SHANK2: variants seen among roughly 807,000 people sequenced by gnomAD.
SHANK2 encodes SH3 and multiple ankyrin repeat domains protein 2.
A neutral mutation model predicts 133.7 loss-of-function variants in SHANK2; 43 were observed. The ratio of observed to expected loss-of-function variants is 0.32; its 90% confidence interval spans 0.25 to 0.41. The LOEUF (loss-of-function observed/expected upper bound fraction) is 0.41, where lower values mean the gene tolerates loss of function less well. SHANK2 is among the 10% of genes least tolerant of loss of function. SHANK2 has a pLI of 1.00. For synonymous variants in SHANK2, 1,017 were observed against 952.8 expected (o/e 1.07, Z -1.24); for missense variants, 1,994 against 2,235.8 (o/e 0.89, Z 2.18).
intron 14 of SHANK2, among the ~76,000 whole-genome samples, chr11:70,721,104 C>T (rs542144803): frequency 5.3e-5 from 8 of 152,352 alleles, no homozygotes; most frequent in African/African-American, 1.4e-4. Flanking sequence ...TCTCTGTGCC[C>T]CTCCCTTTCC....
rs531768537 is a variant in SHANK2, at chr11:71,218,660, C to T, written c.-13+6037G>A. ...GCTACCTTCTCACCACCCAGCTGTC[C>T]ACATCAGCACAGAACACCTACACAC... On this transcript the variant is annotated intron_variant, in intron 2 of 25. Transcript: ENST00000601538. Among the ~76,000 whole-genome samples the T allele has an allele frequency of 8.5e-5, 13 of 152,154 alleles. No individual in the cohort carries two copies. In the South Asian group the frequency reaches 2.3e-3, roughly 27 times the overall value.
At position 70,857,577 on chromosome 11, in the gene SHANK2, C is replaced by A. The variant is rs553175608; in HGVS notation, c.1175-36895G>T. Among the ~76,000 whole-genome samples, 389 of 152,204 alleles carry A rather than the reference C, an allele frequency of 2.6e-3. 1 individual carries two copies. Among genetic ancestry groups the A allele is most frequent in the African/African-American group, 9.2e-3 (382 of 41,538 alleles). ...TTCTCAGGACTTGGGAGGGCCAAGC[C>A]CTTGGGCAGTGCCCAAGAGAGCACA... is the stretch of plus-strand genomic sequence containing the variant. On this transcript the variant is annotated intron_variant, in intron 11 of 25. Transcript: ENST00000601538.
chr11:70,562,368 AAGG>A (rs1306683678), intron 17 of SHANK2, among the ~76,000 whole-genome samples: 1 of 152,226 alleles, frequency 6.6e-6, no homozygotes, highest in East Asian at 1.9e-4. Context: ...TCAGTTACAG[AAGG>A]AGAAGTGATT....
At chr11:70,643,958 C>G (rs1296751480) in intron 17 of SHANK2, among the ~76,000 whole-genome samples, 12 of 142,044 alleles carry the variant, frequency 8.4e-5, no homozygotes, top group African/African-American at 2.1e-4. Flanking sequence ...GATCTGGGGT[C>G]GGGGGCTGAG....
chr11:70,862,497 A>G (rs1182657400), intron 11 of SHANK2, among the ~76,000 whole-genome samples: 1 of 151,902 alleles, frequency 6.6e-6, no homozygotes, highest in East Asian at 1.9e-4. Context: ...GCTGATGGAC[A>G]GGACTAGACT....
intron 17 of SHANK2, among the ~76,000 whole-genome samples, chr11:70,536,070 A>G (rs1242167859): frequency 6.6e-6 from 1 of 152,082 alleles, no homozygotes; most frequent in Admixed American, 6.5e-5. Context: ...CTGCACCCCC[A>G]GGCCCCAGCC....
intron 11 of SHANK2, among the ~76,000 whole-genome samples, chr11:70,831,845 T>A (rs1353313729): frequency 6.6e-6 from 1 of 152,224 alleles, no homozygotes; most frequent in Non-Finnish European, 1.5e-5. Flanking sequence ...CCATGTGGTT[T>A]GGAAAGAGCC....
At position 70,471,099 on chromosome 11, in the gene SHANK2, AGT is replaced by A; in HGVS notation, c.*1768_*1769del. 1 of 396,432 alleles carries A rather than the reference AGT, an allele frequency of 2.5e-6. No individual in the cohort carries two copies. Among genetic ancestry groups the A allele is most frequent in the East Asian group, 3.6e-5 (1 of 27,990 alleles). The allele number at this position is 396,432 out of a possible 1,614,324, so 24.6% of individuals were successfully genotyped here. A position where few individuals can be genotyped will look rare whatever the true frequency, so the allele number is the denominator to read the frequency against. ...TTTTTCTTTAACTTTCTAGCACTGA[AGT>A]GGCACAAAGGCTGCCTAGTAGACCA... On this transcript the variant is annotated 3_prime_UTR_variant, in exon 26 of 26. Transcript: ENST00000601538. The surrounding 1 kb of genome is among the most constrained non-coding windows in gnomAD (Gnocchi z 4.1).
At chr11:70,601,616 T>C (rs1439720083) in intron 17 of SHANK2, among the ~76,000 whole-genome samples, 1 of 152,230 alleles carries the variant, frequency 6.6e-6, no homozygotes, top group East Asian at 1.9e-4. Context: ...CCTCCCAAAG[T>C]GCTGAGATTA....
intron 2 of SHANK2, among the ~76,000 whole-genome samples, chr11:71,169,016 T>C (rs888261218): frequency 1.3e-5 from 2 of 152,150 alleles, no homozygotes; most frequent in African/African-American, 4.8e-5. Context: ...CAAAAGTAAT[T>C]GTGGGTTTTG....
intron 11 of SHANK2, chr11:70,873,135 G>T (rs1361405623): frequency 2.1e-6 from 1 of 470,942 alleles, no homozygotes; most frequent in Non-Finnish European, 4.4e-6. Context: ...TATGTTTGTG[G>T]TTCCCTAAAA....
In SHANK2 at chr11:70,492,335, G is replaced by T; in HGVS notation, c.2439C>A (p.Asn813Lys). The change falls in exon 22 of 26, where the codon AAC (asparagine) becomes AAA (lysine). Residue 813 changes from asparagine (N) to lysine (K), a missense_variant and splice_region_variant. Physicochemically the swap from Asn to Lys is moderately conservative, Grantham distance 94 (BLOSUM62 0). Transcript: ENST00000601538. ...SRCFPAGSDM[N>K]SVYERQGIAV... The stretch of plus-strand genomic sequence containing the variant: ...GTGGTCCCAAGGTACGGCCACTCAC[G>T]TTCATGTCTGAGCCCGCCGGGAAGC... 6.2e-7 allele frequency: 1 copy of T among 1,610,776 alleles called. No homozygotes were observed.
At chr11:71,246,602 C>T (rs1954964377) in intron 1 of SHANK2, among the ~76,000 whole-genome samples, 1 of 152,128 alleles carries the variant, frequency 6.6e-6, no homozygotes, top group African/African-American at 2.4e-5. Flanking sequence ...TCCACGTAGA[C>T]CCAGCTCAGT....
At chr11:70,795,370 G>T (rs1947883596) in intron 14 of SHANK2, among the ~76,000 whole-genome samples, 1 of 151,620 alleles carries the variant, frequency 6.6e-6, no homozygotes, top group Non-Finnish European at 1.5e-5. Flanking sequence ...CTAATCACAT[G>T]GGTTCTTTTC....
chr11:70,614,005 T>C (rs1282417888), intron 17 of SHANK2, among the ~76,000 whole-genome samples: 1 of 152,134 alleles, frequency 6.6e-6, no homozygotes, highest in Non-Finnish European at 1.5e-5. Context: ...CCTCAAATTA[T>C]CTGCCCACTT....
intron 11 of SHANK2, among the ~76,000 whole-genome samples, chr11:70,839,007 G>A (rs1293282166): frequency 5.9e-5 from 9 of 152,208 alleles, no homozygotes; most frequent in African/African-American, 1.9e-4. Flanking sequence ...ACAAGCAGCT[G>A]GTGTTGGTGT....
chr11:70,548,617 T>C (rs1256943009), intron 17 of SHANK2, among the ~76,000 whole-genome samples: 1 of 152,180 alleles, frequency 6.6e-6, no homozygotes, highest in Non-Finnish European at 1.5e-5. Flanking sequence ...GTGTGGTCTA[T>C]GGGAGAGGCT....
rs1025937016 is a variant in SHANK2 at position 70,621,503 on chromosome 11, A to C, written c.2061+38325T>G. ...TGCACACCAAAGGCTGTGCCCCTAC[A>C]GCACCCTTGGCGAGGACGTGGCCCA... On this transcript the variant is annotated intron_variant, in intron 17 of 25. Coordinates refer to ENST00000601538, the MANE Select transcript of SHANK2 (RefSeq NM_012309.5). Among the ~76,000 whole-genome samples, 27 of 152,308 alleles carry C rather than the reference A, an allele frequency of 1.8e-4. No individual in the cohort carries two copies. In the East Asian group the frequency reaches 3.5e-3, roughly 20 times the overall value.
intron 10 of SHANK2, among the ~76,000 whole-genome samples, chr11:70,939,981 G>T (rs1200869628): frequency 6.6e-6 from 1 of 152,012 alleles, no homozygotes; most frequent in East Asian, 1.9e-4. Context: ...GCTGGGGTGG[G>T]GGTCCAGAGA....
Sources: gnomAD v4.1 joint callset for allele counts (sites outside exome capture counted in the v4.1 genomes callset) on GRCh38, gnomAD v4.1.1 for gene constraint, Gnocchi (gnomAD v3.1) non-coding constraint, MANE v1.5 for transcripts, NCBI Gene and HGNC (gene_info 2026-07-23, HGNC 2026-07-21) for gene names.